The following ASTN1 variants were observed in gnomAD, a reference collection of about 807,000 sequenced individuals.
ASTN1 encodes astrotactin 1.
Under a neutral mutation model 140.7 loss-of-function variants are expected in ASTN1, and 41 were observed. The observed-to-expected ratio is 0.29, with a 90% CI of 0.23 to 0.38. The LOEUF (loss-of-function observed/expected upper bound fraction) is 0.38, where lower values mean the gene tolerates loss of function less well. Among genes scored for constraint, ASTN1 ranks in the 10% least tolerant of loss-of-function variants. The probability of loss-of-function intolerance (pLI) is 1.00; values close to 1 mark genes in which losing one functional copy is unlikely to be tolerated. For synonymous variants in ASTN1, 640 were observed against 652.2 expected (o/e 0.98, Z 0.29); for missense variants, 1,479 against 1,678.8 (o/e 0.88, Z 2.08).
Position 176,883,001 on chromosome 1 carries a change from A to C in ASTN1, c.3227-7T>G. 3.7e-6 allele frequency: 6 copies of C among 1,614,074 alleles called. No individual in the cohort carries two copies. The highest frequency in any genetic ancestry group is 5.1e-6 in the Non-Finnish European group (6 of 1,179,966). On this transcript the variant is annotated splice_polypyrimidine_tract_variant and splice_region_variant and intron_variant, in intron 19 of 22. Transcript: ENST00000361833. ...ACAAAGCTCAGCACTGTTTCTGCCC[A>C]GAGGAGAAGGAATGGAAAAAGCATG...
chr1:177,057,458 T>C (rs1016689267), intron 2 of ASTN1, among the ~76,000 whole-genome samples: 1 of 152,228 alleles, frequency 6.6e-6, no homozygotes, highest in Admixed American at 6.5e-5. Context: ...AACAGTGGTC[T>C]CTGCATTGAG....
intron 1 of ASTN1, among the ~76,000 whole-genome samples, chr1:177,086,696 T>A (rs184046209): frequency 1.3e-5 from 2 of 152,334 alleles, no homozygotes; most frequent in East Asian, 1.9e-4. Context: ...CTCAGTTTTT[T>A]AAAAAGAAAT....
chr1:177,028,238 C>G (rs1260324845), intron 5 of ASTN1, among the ~76,000 whole-genome samples: 1 of 152,106 alleles, frequency 6.6e-6, no homozygotes, highest in Non-Finnish European at 1.5e-5. Flanking sequence ...AGGACACACC[C>G]TGCTTTGATT....
rs186497802 is a variant in ASTN1 at position 176,907,200 on chromosome 1, A to G, written c.2672-12370T>C. Among the ~76,000 whole-genome samples, 827 of 152,340 alleles carry G rather than the reference A, an allele frequency of 5.4e-3. 4 individuals carry two copies. Among genetic ancestry groups the G allele is most frequent in the Non-Finnish European group, 8.8e-3 (601 of 68,020 alleles). Reference sequence around the variant, plus strand: ...AATCTGCATTTTATCAGGCACTCCAAGTGATTCTGACTTAGGCCATCTTCA... The same window carrying G: ...AATCTGCATTTTATCAGGCACTCCAGGTGATTCTGACTTAGGCCATCTTCA... On this transcript the variant is annotated intron_variant, in intron 16 of 22. Coordinates refer to ENST00000361833, the MANE Select transcript of ASTN1 (RefSeq NM_004319.3).
intron 22 of ASTN1, among the ~76,000 whole-genome samples, chr1:176,865,104 C>T (rs1268639224): frequency 1.3e-5 from 2 of 152,316 alleles, no homozygotes; most frequent in East Asian, 1.9e-4. Context: ...GCACACATCA[C>T]CTGATTAACC....
chr1:177,032,794 G>A lies in ASTN1; in HGVS notation c.527C>T (p.Thr176Ile). Residue 176 changes from threonine (T) to isoleucine (I), a missense_variant, in exon 3 of 23, where the codon ACT becomes ATT. Transcript: ENST00000361833. ...GCGGCGTTTGCACCAGCGCCGGCGA[G>A]TATACAGGATCATCACCAGGCACAA... ...SILCLVMILY[T>I]RRRWCKRRRV... 3 of 1,612,642 alleles carry A rather than the reference G, an allele frequency of 1.9e-6. No individual in the cohort carries two copies. The highest frequency in any genetic ancestry group is 2.5e-6 in the Non-Finnish European group (3 of 1,179,964).
At chr1:176,903,200 A>T (rs920030922) in intron 16 of ASTN1, among the ~76,000 whole-genome samples, 1 of 152,208 alleles carries the variant, frequency 6.6e-6, no homozygotes, top group Non-Finnish European at 1.5e-5. Context: ...TGCTAAGCAC[A>T]TATACGTGGG....
At chr1:177,153,926 C>A (rs941379112) in intron 1 of ASTN1, among the ~76,000 whole-genome samples, 3 of 152,030 alleles carry the variant, frequency 2.0e-5, no homozygotes, top group Non-Finnish European at 4.4e-5. Context: ...TGTACAATGC[C>A]AAGTGTCGGT....
At chr1:177,049,889 C>T (rs530014700) in intron 2 of ASTN1, among the ~76,000 whole-genome samples, 13 of 152,044 alleles carry the variant, frequency 8.6e-5, no homozygotes, top group East Asian at 3.9e-4. Context: ...CTCTGAGCCA[C>T]GGAGCATTGA....
intron 4 of ASTN1, among the ~76,000 whole-genome samples, chr1:177,030,491 G>T (rs1007543868): frequency 6.6e-6 from 1 of 152,198 alleles, no homozygotes; most frequent in African/African-American, 2.4e-5. Context: ...CCAATTCCCT[G>T]TTGATGGACA....
chr1:176,913,075 C>A (rs1253541237), intron 16 of ASTN1, among the ~76,000 whole-genome samples: 4 of 152,184 alleles, frequency 2.6e-5, no homozygotes, highest in Non-Finnish European at 4.4e-5. Flanking sequence ...AGATCAAATT[C>A]TATCAAAGTT....
chr1:177,071,461 G>A lies in ASTN1; in HGVS notation c.284-10196C>T, dbSNP rs183236682. On this transcript the variant is annotated intron_variant, in intron 1 of 22. Coordinates refer to ENST00000361833, the MANE Select transcript of ASTN1 (RefSeq NM_004319.3). ...TGAGTCCTTCTCTGTAGACTAGTCT[G>A]TGTGAGCACCTGTCATCATAAATGC... is the stretch of plus-strand genomic sequence containing the variant. Among the ~76,000 whole-genome samples, 14 of 152,338 alleles carry A rather than the reference G, an allele frequency of 9.2e-5. No individual in the cohort carries two copies. In the East Asian group the frequency reaches 2.7e-3, roughly 29 times the overall value.
intron 1 of ASTN1, among the ~76,000 whole-genome samples, chr1:177,147,300 G>A (rs556594665): frequency 6.6e-6 from 1 of 152,134 alleles, no homozygotes; most frequent in Non-Finnish European, 1.5e-5. Flanking sequence ...CCAGGAGTTA[G>A]TCTGTTAAAG....
At position 176,934,034 on chromosome 1, in the gene ASTN1, TA is replaced by T; in HGVS notation, c.2671+117del. ...AATGTTACAGATGGGCACAGAGCATTAGGGGAAAATCTGATTGAGTCGTTAC... is the reference window on the plus strand; with the variant it reads ...AATGTTACAGATGGGCACAGAGCATTGGGGAAAATCTGATTGAGTCGTTAC... On this transcript the variant is annotated intron_variant, in intron 16 of 22. Coordinates refer to ENST00000361833, the MANE Select transcript of ASTN1 (RefSeq NM_004319.3). 3 of 1,105,752 alleles carry T rather than the reference TA, an allele frequency of 2.7e-6. No homozygotes were observed. In the Admixed American group the frequency reaches 7.4e-5, roughly 27 times the overall value. The allele number at this position is 1,105,752 out of a possible 1,614,324, so 68.5% of individuals were successfully genotyped here.
rs555845002 is a variant in ASTN1, at chr1:176,913,397, G to A, written c.2672-18567C>T. Among the ~76,000 whole-genome samples the A allele has an allele frequency of 4.6e-5, 7 of 152,288 alleles. No individual in the cohort carries two copies. In the South Asian group the frequency reaches 1.0e-3, roughly 23 times the overall value. ...TTGATAGGTTCATCAGTCAGTGCAC[G>A]TCCATGAATGCATGTGCCCAGCATT... On this transcript the variant is annotated intron_variant, in intron 16 of 22. Transcript: ENST00000361833.
intron 8 of ASTN1, among the ~76,000 whole-genome samples, chr1:177,005,230 G>C (rs1469369006): frequency 6.6e-6 from 1 of 152,122 alleles, no homozygotes; most frequent in Admixed American, 6.6e-5. Context: ...ATGTAAAAAT[G>C]CTCAACATTA....
intron 15 of ASTN1, among the ~76,000 whole-genome samples, chr1:176,935,009 A>T (rs919072359): frequency 6.6e-6 from 1 of 152,088 alleles, no homozygotes; most frequent in African/African-American, 2.4e-5. Context: ...GGAAGAGAAA[A>T]CTTGTTGGCC....
chr1:177,079,602 C>T (rs1055330738), intron 1 of ASTN1, among the ~76,000 whole-genome samples: 1 of 152,096 alleles, frequency 6.6e-6, no homozygotes, highest in Non-Finnish European at 1.5e-5. Context: ...CTCCTTTCTC[C>T]TGCTTCTTTC....
At chr1:177,061,003 T>G in intron 2 of ASTN1, 75 bp downstream of exon 2, 3 of 1,308,520 alleles carry the variant, frequency 2.3e-6, no homozygotes, top group Non-Finnish European at 3.0e-6. Context: ...TAGAGTGATA[T>G]CTATAATACC....
Sources: allele counts gnomAD v4.1 joint callset (sites outside exome capture counted in the v4.1 genomes callset), GRCh38; gene constraint gnomAD v4.1.1; transcripts MANE v1.5; gene names NCBI Gene and HGNC (gene_info 2026-07-23, HGNC 2026-07-21).